TJP1: variants seen among roughly 807,000 people sequenced by gnomAD.
TJP1 encodes the protein tight junction protein ZO-1.
A neutral mutation model predicts 194.2 loss-of-function variants in TJP1; 43 were observed. The ratio of observed to expected loss-of-function variants is 0.22; its 90% CI spans 0.17 to 0.29. TJP1 has a LOEUF of 0.29. Ranked by LOEUF, TJP1 falls within the 10% of genes least tolerant of loss-of-function variation. TJP1 has a pLI of 1.00. For missense variants in TJP1, 1,971 were observed against 2,185.7 expected (o/e 0.90, Z 1.96); for synonymous variants, 801 against 779.0 (o/e 1.03, Z -0.47).
intron 8 of TJP1, among the ~76,000 whole-genome samples, chr15:29,748,923 TGTG>T (rs1235649251): frequency 1.1e-4 from 1 of 8,888 alleles, no homozygotes; most frequent in Non-Finnish European, 5.2e-4. Context: ...AGCTTAAAAA[TGTG>T]TGTGTGTGTG....
intron 2 of TJP1, among the ~76,000 whole-genome samples, chr15:29,781,083 A>G (rs1040592576): frequency 1.3e-5 from 2 of 152,114 alleles, no homozygotes; most frequent in African/African-American, 4.8e-5. Flanking sequence ...CAGTAAGATA[A>G]ACTATTAGCT....
intron 25 of TJP1, 34 bp from the exon 26 acceptor site, chr15:29,705,779 C>T: frequency 6.3e-7 from 1 of 1,586,496 alleles, no homozygotes; most frequent in Non-Finnish European, 8.7e-7. Flanking sequence ...GAGTGAATTC[C>T]TAATAATACA....
chr15:29,859,740 A>G (rs2052001650), intron 2 of TJP1, among the ~76,000 whole-genome samples: 2 of 152,178 alleles, frequency 1.3e-5, no homozygotes, highest in South Asian at 4.1e-4. Context: ...CTAAGTTGAA[A>G]ATACAAGCAG....
intron 21 of TJP1, 56 bp downstream of exon 21, chr15:29,718,210 C>A: frequency 6.3e-7 from 1 of 1,594,500 alleles, no homozygotes; most frequent in African/African-American, 1.4e-5. Context: ...AGGGGAGAGC[C>A]AAGAAGCCTT....
At chr15:29,871,754 C>T (rs1425547313) in intron 2 of TJP1, among the ~76,000 whole-genome samples, 1 of 152,186 alleles carries the variant, frequency 6.6e-6, no homozygotes, top group Non-Finnish European at 1.5e-5. Context: ...GGGAGAACTG[C>T]CCACTCACAG....
intron 2 of TJP1, among the ~76,000 whole-genome samples, chr15:29,799,277 GCTAC>G (rs1279702480): frequency 6.6e-6 from 1 of 152,034 alleles, no homozygotes; most frequent in Non-Finnish European, 1.5e-5. Flanking sequence ...ATTTAAATAT[GCTAC>G]CTATCAATAC....
Position 29,773,287 on chromosome 15 carries a change from G to A in TJP1, c.155C>T (p.Thr52Met), listed in dbSNP as rs377093192. 41 of 1,613,964 alleles carry A rather than the reference G, an allele frequency of 2.5e-5. No homozygotes were observed. The highest frequency in any genetic ancestry group is 2.7e-5 in the Non-Finnish European group (32 of 1,179,932). ...CAGCACATCTGAAATCACTATTGAC[G>A]TTTCCCCACTCTGAAAATGAGGATT... ...RDNPHFQSGE[T>M]SIVISDVLKG... Residue 52 changes from threonine to methionine, a missense_variant, in exon 3 of 28, where the codon ACG becomes ATG. Physicochemically the swap from Thr to Met is moderately conservative, Grantham distance 81. This residue lies in a region of TJP1 where 245 missense variants were observed against 336.6 expected (regional missense o/e 0.73). Coordinates refer to ENST00000614355, the MANE Select transcript of TJP1 (RefSeq NM_001330239.4).
At position 29,732,650 on chromosome 15, in the gene TJP1, T is replaced by C; in HGVS notation, c.1902A>G (p.Glu634=). ...AACTACCTTCTCGAAGAACCACTCT[T>C]TCATAAGCTGGAAACTTTGTTTGAA... is the stretch of plus-strand genomic sequence containing the variant. The part of the protein sequence containing the change: ...QPVQTKFPAY[E]RVVLREAGFL... Residue 634 remains glutamate, a synonymous_variant, in exon 14 of 28, where the codon GAA becomes GAG. Transcript: ENST00000614355. 1.9e-6 allele frequency: 3 copies of C among 1,614,140 alleles called. No homozygotes were observed. Among genetic ancestry groups the C allele is most frequent in the East Asian group, 2.2e-5 (1 of 44,878 alleles).
intron 1 of TJP1, among the ~76,000 whole-genome samples, chr15:29,809,847 TA>T (rs111981690): frequency 9.6e-5 from 14 of 145,618 alleles, no homozygotes; most frequent in South Asian, 2.2e-4. Flanking sequence ...AACTCCGTCT[TA>T]AAAAAAAAAA....
chr15:29,718,545 G>A lies in TJP1; in HGVS notation c.3597C>T (p.Tyr1199=), dbSNP rs1433782701. Residue 1199 remains tyrosine (Y), a synonymous_variant, in exon 21 of 28, where the codon TAC becomes TAT. Transcript: ENST00000614355. The part of the protein sequence containing the change: ...KQYFEQYSRS[Y]EQVPPQGFTS... ...TAAATCCTTGGGGTGGTACTTGCTC[G>A]TAACTGCGTGAATATTGCTCAAAAT... is the stretch of plus-strand genomic sequence containing the variant. The A allele has an allele frequency of 1.4e-5, 23 of 1,614,002 alleles. No homozygotes were observed. Among genetic ancestry groups the A allele is most frequent in the Admixed American group, 1.7e-5 (1 of 59,996 alleles).
At chr15:29,765,384 C>G (rs796550564) in intron 5 of TJP1, among the ~76,000 whole-genome samples, 2 of 152,218 alleles carry the variant, frequency 1.3e-5, no homozygotes, top group African/African-American at 4.8e-5. Context: ...AACTGTAACA[C>G]CCTTTATATC....
intron 8 of TJP1, among the ~76,000 whole-genome samples, chr15:29,749,177 T>G (rs2045066863): frequency 6.6e-6 from 1 of 151,386 alleles, no homozygotes; most frequent in Admixed American, 6.6e-5. Flanking sequence ...AACTTGCACG[T>G]ATTAATCTAA....
Position 29,766,319 on chromosome 15 carries a change from C to A in TJP1, c.536G>T (p.Ser179Ile). 1.2e-6 allele frequency: 2 copies of A among 1,614,208 alleles called. No individual in the cohort carries two copies. The highest frequency in any genetic ancestry group is 1.7e-6 in the Non-Finnish European group (2 of 1,180,034). The change falls in exon 5 of 28, where the codon AGC (serine) becomes ATC (isoleucine). Residue 179 changes from serine to isoleucine, a missense_variant. Coordinates refer to ENST00000614355, the MANE Select transcript of TJP1 (RefSeq NM_001330239.4). ...PRSDRRSVAS[S>I]QPAKPTKVTL... ...GACTTTAGTAGGTTTAGCAGGCTGG[C>A]TGGAAGCCACTGACCGCCTGTCTGA... is the stretch of plus-strand genomic sequence containing the variant.
chr15:29,848,643 C>T (rs1366624290), intron 2 of TJP1, among the ~76,000 whole-genome samples: 5 of 151,920 alleles, frequency 3.3e-5, no homozygotes, highest in Non-Finnish European at 5.9e-5. Context: ...GAGCGGATCA[C>T]AAGGTCAAGA....
At chr15:29,959,556 C>A (rs752867489) in intron 1 of TJP1, among the ~76,000 whole-genome samples, 1 of 152,104 alleles carries the variant, frequency 6.6e-6, no homozygotes, top group South Asian at 2.1e-4. Flanking sequence ...AGATGGGATA[C>A]GCTGCCAGGT....
chr15:29,905,182 G>A (rs192537141), intron 2 of TJP1, among the ~76,000 whole-genome samples: 1 of 152,282 alleles, frequency 6.6e-6, no homozygotes, highest in East Asian at 1.9e-4. Context: ...AGGCCTGTTG[G>A]CAAAAGCATA....
At chr15:29,833,859 A>G (rs1235489159) in intron 2 of TJP1, among the ~76,000 whole-genome samples, 2 of 21,674 alleles carry the variant, frequency 9.2e-5, no homozygotes, top group African/African-American at 3.5e-4. Flanking sequence ...TTTTGTAAGT[A>G]TATATATATA....
chr15:29,721,353 G>GT (rs1028621874), intron 18 of TJP1, among the ~76,000 whole-genome samples: 2 of 152,024 alleles, frequency 1.3e-5, no homozygotes, highest in African/African-American at 2.4e-5. Context: ...CCCAAGATCT[G>GT]TTTTTTTAAG....
intron 8 of TJP1, chr15:29,760,341 C>T: frequency 1.5e-6 from 1 of 688,094 alleles, no homozygotes; most frequent in East Asian, 2.7e-5. Flanking sequence ...AGGTCATATA[C>T]TACCAGTATA....
Sources: gnomAD v4.1 joint callset for allele counts (sites outside exome capture counted in the v4.1 genomes callset) on GRCh38, gnomAD v4.1.1 for gene constraint, gnomAD v4.1.1 regional missense constraint, MANE v1.5 for transcripts, NCBI Gene and HGNC (gene_info 2026-07-23, HGNC 2026-07-21) for gene names.